The following EPAS1 variants were observed in gnomAD, a reference collection of about 807,000 sequenced individuals.
The protein encoded by EPAS1 is endothelial PAS domain-containing protein 1.
In EPAS1, 23 loss-of-function variants were observed where a neutral mutation model predicts 87.9. That is an observed-to-expected ratio of 0.26 (90% confidence interval 0.19 to 0.37). EPAS1 has a LOEUF of 0.37. EPAS1 is among the 10% of genes least tolerant of loss of function. The probability of loss-of-function intolerance (pLI) is 1.00; values close to 1 mark genes in which losing one functional copy is unlikely to be tolerated. For missense variants in EPAS1, 1,138 were observed against 1,120.7 expected (o/e 1.02, Z -0.22); for synonymous variants, 508 against 444.3 (o/e 1.14, Z -1.80).
At chr2:46,298,396 G>A (rs1682929454) in intron 1 of EPAS1, among the ~76,000 whole-genome samples, 1 of 152,328 alleles carries the variant, frequency 6.6e-6, no homozygotes, top group East Asian at 1.9e-4. Context: ...CTGTGCCCGC[G>A]CCGCGGCCCA....
intron 6 of EPAS1, among the ~76,000 whole-genome samples, chr2:46,363,017 G>GTGGTGGTGGTGGTGGTGATGATGATGA (rs1410002978): frequency 6.9e-6 from 1 of 144,278 alleles, no homozygotes; most frequent in African/African-American, 2.6e-5. Context: ...GGTGGTGGTG[G>GTGGTGGTGGTGGTGGTGATGATGATGA]TGATAATGAT....
intron 1 of EPAS1, among the ~76,000 whole-genome samples, chr2:46,315,888 T>G (rs1053189259): frequency 2.6e-5 from 4 of 152,252 alleles, no homozygotes; most frequent in African/African-American, 9.6e-5. Flanking sequence ...TCTCCATGAA[T>G]TGTCTCTCCT....
chr2:46,309,455 G>C (rs1045198754), intron 1 of EPAS1, among the ~76,000 whole-genome samples: 2 of 152,224 alleles, frequency 1.3e-5, no homozygotes, highest in Non-Finnish European at 2.9e-5. Flanking sequence ...AAAACATTGA[G>C]CAAACAATGG....
chr2:46,337,447 C>T (rs1322487101), intron 1 of EPAS1, among the ~76,000 whole-genome samples: 1 of 152,168 alleles, frequency 6.6e-6, no homozygotes, highest in Non-Finnish European at 1.5e-5. Flanking sequence ...GCTAAGTCCC[C>T]CCTAGAGACT....
chr2:46,356,376 G>A (rs1242427694), intron 3 of EPAS1, 74 bp downstream of exon 3: 1 of 1,582,690 alleles, frequency 6.3e-7, no homozygotes, highest in Non-Finnish European at 8.7e-7. Context: ...GAAGGTGCTA[G>A]CCACAATCCC....
intron 6 of EPAS1, among the ~76,000 whole-genome samples, chr2:46,368,662 C>T (rs745724029): frequency 3.9e-4 from 59 of 152,162 alleles, no homozygotes; most frequent in Non-Finnish European, 5.3e-4. Context: ...TTCTGCTTTC[C>T]TCTCCGTGTT....
intron 6 of EPAS1, among the ~76,000 whole-genome samples, chr2:46,361,797 G>A (rs1558602607): frequency 6.6e-6 from 1 of 152,162 alleles, no homozygotes; most frequent in African/African-American, 2.4e-5. Flanking sequence ...ATGCCATCTC[G>A]GGTTCTTAGC....
intron 1 of EPAS1, among the ~76,000 whole-genome samples, chr2:46,299,052 C>T (rs1047843615): frequency 1.3e-5 from 2 of 152,200 alleles, no homozygotes; most frequent in Admixed American, 6.5e-5. Flanking sequence ...GGCGGAGCGG[C>T]GGTATAGAGG....
intron 8 of EPAS1, among the ~76,000 whole-genome samples, chr2:46,376,171 G>A (rs1684743623): frequency 1.3e-5 from 2 of 150,146 alleles, no homozygotes; most frequent in Admixed American, 6.6e-5. Flanking sequence ...ATGCTTTTGG[G>A]AAAAAAAAAA....
Position 46,375,397 on chromosome 2 carries a change from T to A in EPAS1, c.887-293T>A, listed in dbSNP as rs1434877149. The stretch of plus-strand genomic sequence containing the variant: ...TCTGTGAGCCTGACTTGTCCAGGGA[T>A]TGGTGATGGGCCACTGCAAAGCTGC... On this transcript the variant is annotated intron_variant, in intron 7 of 15. Transcript: ENST00000263734. The surrounding 1 kb of genome is among the most constrained non-coding windows in gnomAD (Gnocchi z 4.1). Among the ~76,000 whole-genome samples the A allele has an allele frequency of 6.6e-6, 1 of 152,064 alleles. No individual in the cohort carries two copies. The highest frequency in any genetic ancestry group is 1.5e-5 in the Non-Finnish European group (1 of 68,002).
At chr2:46,322,235 C>T (rs1319240207) in intron 1 of EPAS1, among the ~76,000 whole-genome samples, 1 of 152,182 alleles carries the variant, frequency 6.6e-6, no homozygotes, top group African/African-American at 2.4e-5. Flanking sequence ...CTCTTCTCCA[C>T]CCGCTAGGTT....
At chr2:46,318,152 A>C (rs1460495869) in intron 1 of EPAS1, among the ~76,000 whole-genome samples, 2 of 148,516 alleles carry the variant, frequency 1.3e-5, no homozygotes, top group African/African-American at 5.0e-5. Context: ...CTCAGGGAAT[A>C]GGAAGGATTG....
rs1356916665 is a variant in EPAS1, at chr2:46,375,582, CT to C, written c.887-107del. The stretch of plus-strand genomic sequence containing the variant: ...GTCCTCACTGTCGTGGCGCCCTGTT[CT>C]GTCTGTTCCCCTGCAGATTAGACTG... On this transcript the variant is annotated intron_variant, in intron 7 of 15. Transcript: ENST00000263734. The surrounding 1 kb of genome is among the most constrained non-coding windows in gnomAD (Gnocchi z 4.1). 1.3e-5 allele frequency: 18 copies of C among 1,394,716 alleles called. No individual in the cohort carries two copies. Among genetic ancestry groups the C allele is most frequent in the Non-Finnish European group, 1.8e-5 (18 of 1,006,964 alleles). 86.4% of individuals were successfully genotyped at this position (1,394,716 alleles called of 1,614,324 possible).
At position 46,324,678 on chromosome 2, in the gene EPAS1, T is replaced by A. The variant is rs574794475; in HGVS notation, c.27-22195T>A. ...CGCTCATCCTTGGGCTGCCCCTAGA[T>A]GCCAAACTTTTTCCGTACAAGTTTT... On this transcript the variant is annotated intron_variant, in intron 1 of 15. Coordinates refer to ENST00000263734, the MANE Select transcript of EPAS1 (RefSeq NM_001430.5). 3.9e-5 allele frequency among the ~76,000 whole-genome samples: 6 copies of A among 152,366 alleles called. 1 individual carries two copies. In the South Asian group the frequency reaches 1.2e-3, roughly 32 times the overall value.
At chr2:46,361,790 C>A (rs1237024654) in intron 6 of EPAS1, among the ~76,000 whole-genome samples, 1 of 152,146 alleles carries the variant, frequency 6.6e-6, no homozygotes, top group African/African-American at 2.4e-5. Context: ...GCATGTCATG[C>A]CATCTCGGGT....
chr2:46,322,233 C>T (rs925136749), intron 1 of EPAS1, among the ~76,000 whole-genome samples: 1 of 152,190 alleles, frequency 6.6e-6, no homozygotes, highest in Non-Finnish European at 1.5e-5. Flanking sequence ...TCCTCTTCTC[C>T]ACCCGCTAGG....
intron 12 of EPAS1, chr2:46,381,114 C>T (rs749165579): frequency 4.6e-5 from 16 of 351,058 alleles, no homozygotes; most frequent in Non-Finnish European, 7.0e-5. Flanking sequence ...CCCGGGTCCT[C>T]GCCACTGCAG....
intron 1 of EPAS1, 138 bp downstream of exon 1, chr2:46,298,075 A>AG: frequency 9.1e-7 from 1 of 1,100,114 alleles, no homozygotes; most frequent in Admixed American, 2.1e-5. Flanking sequence ...GAGGGCTGTG[A>AG]GGGGGAGAGC....
chr2:46,339,030 C>T (rs1284830490), intron 1 of EPAS1, among the ~76,000 whole-genome samples: 1 of 152,176 alleles, frequency 6.6e-6, no homozygotes, highest in Non-Finnish European at 1.5e-5. Context: ...AGGTAGTTGT[C>T]ATGGCATTAT....
Sources: gnomAD v4.1 joint callset for allele counts (sites outside exome capture counted in the v4.1 genomes callset) on GRCh38, gnomAD v4.1.1 for gene constraint, Gnocchi (gnomAD v3.1) non-coding constraint, MANE v1.5 for transcripts, NCBI Gene and HGNC (gene_info 2026-07-23, HGNC 2026-07-21) for gene names.